Variants in TINAG observed in about 807,000 individuals in gnomAD.
The protein encoded by TINAG is tubulointerstitial nephritis antigen.
TINAG carries 83 observed loss-of-function variants against 72.7 expected under a neutral mutation model. That is an observed-to-expected ratio of 1.14 (90% CI 0.96 to 1.37). TINAG has a LOEUF of 1.37. Among genes scored for constraint, TINAG ranks in the 40% most tolerant of loss-of-function variants. The pLI is 0.00. For synonymous variants in TINAG, 234 were observed against 189.9 expected (o/e 1.23, Z -1.91); for missense variants, 685 against 576.6 (o/e 1.19, Z -1.93).
At chr6:54,313,841 T>C (rs1784312899) in intron 1 of TINAG, among the ~76,000 whole-genome samples, 1 of 152,166 alleles carries the variant, frequency 6.6e-6, no homozygotes, top group Non-Finnish European at 1.5e-5. Context: ...ATTTAGAAAA[T>C]ATCAAAGTAT....
intron 6 of TINAG, among the ~76,000 whole-genome samples, chr6:54,349,420 A>T (rs1163131355): frequency 6.6e-6 from 1 of 152,038 alleles, no homozygotes; most frequent in Non-Finnish European, 1.5e-5. Context: ...ATATTACCAC[A>T]GACTTAATAT....
chr6:54,367,794 A>T (rs188896171), intron 9 of TINAG, among the ~76,000 whole-genome samples: 1 of 151,958 alleles, frequency 6.6e-6, no homozygotes, highest in East Asian at 1.9e-4. Flanking sequence ...TGGGTGACCT[A>T]CACAACATTT....
intron 9 of TINAG, among the ~76,000 whole-genome samples, chr6:54,356,799 A>T (rs1035380532): frequency 6.6e-6 from 1 of 151,784 alleles, no homozygotes; most frequent in African/African-American, 2.4e-5. Flanking sequence ...CTCTTCATTT[A>T]TTGTAGACTC....
At chr6:54,364,480 C>T (rs1352866372) in intron 9 of TINAG, among the ~76,000 whole-genome samples, 1 of 151,246 alleles carries the variant, frequency 6.6e-6, no homozygotes, top group Non-Finnish European at 1.5e-5. Context: ...TCAAAATAGA[C>T]TAAAAATATT....
chr6:54,350,229 T>C (rs991841930), intron 7 of TINAG, among the ~76,000 whole-genome samples: 5 of 151,950 alleles, frequency 3.3e-5, no homozygotes, highest in Admixed American at 2.0e-4. Context: ...TTTTTTGTGG[T>C]ATTAGCTCAT....
chr6:54,384,314 G>T (rs62412615), intron 10 of TINAG, among the ~76,000 whole-genome samples: 104 of 152,178 alleles, frequency 6.8e-4, no homozygotes, highest in Admixed American at 1.4e-3. Flanking sequence ...TAACAAACCT[G>T]CATGTTCTGC....
intron 3 of TINAG, among the ~76,000 whole-genome samples, chr6:54,322,406 G>C (rs999572380): frequency 6.6e-6 from 1 of 151,848 alleles, no homozygotes; most frequent in Non-Finnish European, 1.5e-5. Flanking sequence ...AAAGGAAGAG[G>C]AACAAGCCAG....
intron 1 of TINAG, among the ~76,000 whole-genome samples, chr6:54,316,658 C>T (rs1343607117): frequency 6.6e-6 from 1 of 152,040 alleles, no homozygotes; most frequent in East Asian, 1.9e-4. Context: ...GACAACATGT[C>T]ATTATCTTTT....
intron 1 of TINAG, among the ~76,000 whole-genome samples, chr6:54,316,598 G>A (rs1201695822): frequency 6.6e-6 from 1 of 152,114 alleles, no homozygotes; most frequent in East Asian, 1.9e-4. Flanking sequence ...GTTTAGACCA[G>A]CACAGATATT....
chr6:54,380,455 A>T, intron 9 of TINAG, 71 bp from the exon 10 acceptor site: 3 of 1,296,240 alleles, frequency 2.3e-6, no homozygotes, highest in Non-Finnish European at 3.3e-6. Flanking sequence ...AATGACAATA[A>T]TCTGCATTCT....
chr6:54,322,006 A>C (rs934283571), intron 3 of TINAG, among the ~76,000 whole-genome samples: 4 of 152,180 alleles, frequency 2.6e-5, no homozygotes, highest in African/African-American at 9.6e-5. Flanking sequence ...AGAGGAAATT[A>C]AGATGTAGGC....
intron 4 of TINAG, among the ~76,000 whole-genome samples, chr6:54,335,111 T>C: frequency 6.6e-6 from 1 of 152,194 alleles, no homozygotes; most frequent in East Asian, 1.9e-4. Context: ...TGTCTCTATA[T>C]ATTTCCTGAA....
chr6:54,335,454 C>T (rs1784836535), intron 4 of TINAG, among the ~76,000 whole-genome samples: 1 of 152,160 alleles, frequency 6.6e-6, no homozygotes, highest in Non-Finnish European at 1.5e-5. Flanking sequence ...AGTTCTATTA[C>T]ACTTACGATG....
Position 54,354,589 on chromosome 6 carries a change from A to C in TINAG, c.1203A>C (p.Glu401Asp), listed in dbSNP as rs759015454. 3 of 1,611,006 alleles carry C rather than the reference A, an allele frequency of 1.9e-6. No homozygotes were observed. The highest frequency in any genetic ancestry group is 2.5e-6 in the Non-Finnish European group (3 of 1,178,334). Reference protein sequence around the residue: ...IYRHVTSTNKESEKYRKLQTH... With the variant: ...IYRHVTSTNKDSEKYRKLQTH... Reference sequence around the variant, plus strand: ...GACATGTTACCAGCACAAATAAAGAATCAGAAAAATATCGAAAGCTTCAGA... The same window carrying C: ...GACATGTTACCAGCACAAATAAAGACTCAGAAAAATATCGAAAGCTTCAGA... Residue 401 changes from glutamate (E) to aspartate (D), a missense_variant, in exon 9 of 11, where the codon GAA (glutamate) becomes GAC (aspartate). Coordinates refer to ENST00000259782, the MANE Select transcript of TINAG (RefSeq NM_014464.4).
intron 9 of TINAG, among the ~76,000 whole-genome samples, chr6:54,363,020 G>A (rs980435872): frequency 1.3e-5 from 2 of 151,560 alleles, no homozygotes; most frequent in African/African-American, 4.8e-5. Context: ...CAATTTTGAA[G>A]ATCTGAGAAA....
intron 6 of TINAG, among the ~76,000 whole-genome samples, chr6:54,349,358 C>A (rs553623770): frequency 2.0e-5 from 3 of 151,998 alleles, no homozygotes; most frequent in Admixed American, 2.0e-4. Flanking sequence ...TTAAATTTAG[C>A]TCTTCCAAAT....
At chr6:54,373,979 G>C (rs1459406645) in intron 9 of TINAG, among the ~76,000 whole-genome samples, 1 of 152,078 alleles carries the variant, frequency 6.6e-6, no homozygotes, top group Non-Finnish European at 1.5e-5. Flanking sequence ...TAGATGTATA[G>C]ATGTTTTAAT....
chr6:54,379,853 C>T (rs1041872416), intron 9 of TINAG, among the ~76,000 whole-genome samples: 14 of 151,354 alleles, frequency 9.2e-5, no homozygotes, highest in Admixed American at 7.9e-4. Flanking sequence ...TATAGGTATA[C>T]ACGTGCCATG....
intron 10 of TINAG, among the ~76,000 whole-genome samples, chr6:54,382,048 T>C (rs1368097920): frequency 2.0e-5 from 3 of 152,068 alleles, no homozygotes; most frequent in African/African-American, 7.2e-5. Flanking sequence ...ATCTACTCAC[T>C]CATTTTCATA....
Sources: allele counts gnomAD v4.1 joint callset (sites outside exome capture counted in the v4.1 genomes callset), GRCh38; gene constraint gnomAD v4.1.1; transcripts MANE v1.5; gene names NCBI Gene and HGNC (gene_info 2026-07-23, HGNC 2026-07-21).